USP32: variants seen among roughly 807,000 people sequenced by gnomAD.
USP32 encodes the protein ubiquitin carboxyl-terminal hydrolase 32.
USP32 carries 59 observed loss-of-function variants against 204.8 expected under a neutral mutation model. That is an observed-to-expected ratio of 0.29 (90% confidence interval 0.23 to 0.36). The LOEUF is 0.36. Among genes scored for constraint, USP32 ranks in the 10% least tolerant of loss-of-function variants. The probability of loss-of-function intolerance (pLI) is 1.00; values close to 1 mark genes in which losing one functional copy is unlikely to be tolerated. For missense variants in USP32, 1,160 were observed against 1,946.4 expected (o/e 0.60, Z 7.60); for synonymous variants, 517 against 678.4 (o/e 0.76, Z 3.70).
At position 60,183,222 on chromosome 17, in the gene USP32, C is replaced by A. The variant is rs777413265; in HGVS notation, c.4066G>T (p.Val1356Leu). 8.4e-5 allele frequency: 135 copies of A among 1,613,862 alleles called. No individual in the cohort carries two copies. Among genetic ancestry groups the A allele is most frequent in the Non-Finnish European group, 1.1e-4 (131 of 1,179,876 alleles). ...GAGGATGGGCTTTTGCTCAGGAGCACGTCCTCTTCCCCAGCCGAACTCTGC... is the reference window on the plus strand; with the variant it reads ...GAGGATGGGCTTTTGCTCAGGAGCAAGTCCTCTTCCCCAGCCGAACTCTGC... ...DAQSSAGEED[V>L]LLSKSPSSLS... Residue 1356 changes from valine (V) to leucine (L), a missense_variant, in exon 31 of 34, where the codon GTG (valine) becomes TTG (leucine). This residue lies in a region of USP32 where 244 missense variants were observed against 342.3 expected (regional missense o/e 0.71). Transcript: ENST00000300896.
chr17:60,390,490 G>C (rs1214850708), intron 1 of USP32, among the ~76,000 whole-genome samples: 1 of 152,124 alleles, frequency 6.6e-6, no homozygotes, highest in Non-Finnish European at 1.5e-5. Context: ...GACAAAAAAA[G>C]TTCAAATGAG....
At position 60,265,362 on chromosome 17, in the gene USP32, G is replaced by C. The variant is rs377693012; in HGVS notation, c.990+50C>G. 11 of 1,266,220 alleles carry C rather than the reference G, an allele frequency of 8.7e-6. No homozygotes were observed. The African/African-American group carries it at 1.2e-4, about 14-fold the overall frequency. The allele number at this position is 1,266,220 out of a possible 1,614,324, so 78.4% of individuals were successfully genotyped here. A position where few individuals can be genotyped will look rare whatever the true frequency, so the allele number is the denominator to read the frequency against. On this transcript the variant is annotated intron_variant, in intron 9 of 33. Transcript: ENST00000300896. ...GTATATAAGCGATACATCCCAAATG[G>C]AGTACATGATATTTTTAGAAAAAGA...
At chr17:60,421,888 C>A (rs1025017756) in intron 1 of USP32, 4 of 985,478 alleles carry the variant, frequency 4.1e-6, no homozygotes, top group Admixed American at 6.1e-5. Flanking sequence ...CGCGTCTCAG[C>A]GCCTCCTGTG....
At chr17:60,401,375 A>C (rs1208026848) in intron 1 of USP32, among the ~76,000 whole-genome samples, 1 of 152,180 alleles carries the variant, frequency 6.6e-6, no homozygotes, top group Non-Finnish European at 1.5e-5. Context: ...GTCTCAATTA[A>C]AAAGAGAAAG....
At chr17:60,294,895 G>C in intron 3 of USP32, 94 bp from the exon 4 acceptor site, 1 of 720,954 alleles carries the variant, frequency 1.4e-6, no homozygotes, top group Non-Finnish European at 2.3e-6. Context: ...CAATAACTGA[G>C]TGATTACTAG....
intron 1 of USP32, among the ~76,000 whole-genome samples, chr17:60,397,621 C>A (rs2089908767): frequency 6.6e-6 from 1 of 152,118 alleles, no homozygotes; most frequent in South Asian, 2.1e-4. Flanking sequence ...CTAGGCCTCC[C>A]AAAGTGCTGG....
intron 2 of USP32, among the ~76,000 whole-genome samples, chr17:60,326,767 GACTT>G (rs1163693647): frequency 1.3e-5 from 2 of 152,090 alleles, no homozygotes; most frequent in East Asian, 3.8e-4. Context: ...CCCCCAAAGA[GACTT>G]ACTAAGTTTT....
chr17:60,421,842 G>T, intron 1 of USP32: 1 of 985,386 alleles, frequency 1.0e-6, no homozygotes, highest in Non-Finnish European at 1.2e-6. Context: ...TCCCCGCCTG[G>T]TGGCTGCGCA....
At position 60,276,380 on chromosome 17, in the gene USP32, T is replaced by C. The variant is rs144763887; in HGVS notation, c.572-4899A>G. 7.5e-3 allele frequency among the ~76,000 whole-genome samples: 1,141 copies of C among 152,280 alleles called. 12 individuals are homozygous for C. Among genetic ancestry groups the C allele is most frequent in the African/African-American group, 0.025 (1,058 of 41,554 alleles). On this transcript the variant is annotated intron_variant, in intron 5 of 33. Transcript: ENST00000300896. ...GGGAGAACAACAAAGGAATCTGATATATAAATTGAGATTCCTAAATAAGAT... is the reference window on the plus strand; with the variant it reads ...GGGAGAACAACAAAGGAATCTGATACATAAATTGAGATTCCTAAATAAGAT...
intron 2 of USP32, among the ~76,000 whole-genome samples, chr17:60,311,263 T>C (rs573974444): frequency 1.3e-5 from 2 of 152,328 alleles, no homozygotes; most frequent in South Asian, 2.1e-4. Flanking sequence ...AATGTATCTA[T>C]TATGCAACCC....
intron 1 of USP32, among the ~76,000 whole-genome samples, chr17:60,365,690 T>TA (rs1385810070): frequency 6.6e-6 from 1 of 152,096 alleles, no homozygotes; most frequent in Non-Finnish European, 1.5e-5. Context: ...TGGTAATAGT[T>TA]ACGAAGTTGT....
intron 1 of USP32, among the ~76,000 whole-genome samples, chr17:60,383,352 C>T (rs1197821965): frequency 2.0e-5 from 3 of 152,078 alleles, no homozygotes; most frequent in Non-Finnish European, 2.9e-5. Context: ...TTTTACCCCC[C>T]GATCTGACAA....
chr17:60,409,297 G>C (rs1042234075), intron 1 of USP32, among the ~76,000 whole-genome samples: 2 of 152,180 alleles, frequency 1.3e-5, no homozygotes, highest in Non-Finnish European at 2.9e-5. Flanking sequence ...GCAGTGAGCC[G>C]AAATCATGCC....
intron 31 of USP32, among the ~76,000 whole-genome samples, chr17:60,182,765 T>G (rs2084144980): frequency 6.6e-6 from 1 of 151,392 alleles, no homozygotes; most frequent in Admixed American, 6.6e-5. Context: ...TGAGACCCTG[T>G]CTCAAAAAAA....
At chr17:60,349,585 AAAAAAAAAAAAAT>A (rs2146018713) in intron 1 of USP32, among the ~76,000 whole-genome samples, 1 of 43,614 alleles carries the variant, frequency 2.3e-5, no homozygotes, top group East Asian at 4.7e-4. Context: ...AAAGAAAAAA[AAAAAAAAAAAAAT>A]ATATATATAT....
chr17:60,318,981 A>T (rs2088050212), intron 2 of USP32, among the ~76,000 whole-genome samples: 1 of 152,242 alleles, frequency 6.6e-6, no homozygotes, highest in Admixed American at 6.5e-5. Context: ...TAAGTGAAAT[A>T]AGCCAGCTAC....
chr17:60,266,662 T>A (rs2086600463), intron 7 of USP32, among the ~76,000 whole-genome samples: 1 of 150,984 alleles, frequency 6.6e-6, no homozygotes, highest in African/African-American at 2.4e-5. Context: ...GTAATTTTTT[T>A]TTTTTTTTTT....
chr17:60,396,124 C>T (rs886808004), upstream of USP32, among the ~76,000 whole-genome samples: 2 of 126,908 alleles, frequency 1.6e-5, no homozygotes, highest in African/African-American at 6.6e-5. Context: ...GTCACCCAAG[C>T]TGGAGTGCAG....
intron 2 of USP32, among the ~76,000 whole-genome samples, chr17:60,307,864 T>C (rs1472237957): frequency 1.3e-5 from 2 of 151,902 alleles, no homozygotes. Flanking sequence ...TGGCTGGACG[T>C]TGAGAGGAAC....
Sources: gnomAD v4.1 joint callset for allele counts (sites outside exome capture counted in the v4.1 genomes callset) on GRCh38, gnomAD v4.1.1 for gene constraint, gnomAD v4.1.1 regional missense constraint, MANE v1.5 for transcripts, NCBI Gene and HGNC (gene_info 2026-07-23, HGNC 2026-07-21) for gene names.